CAPZA1: variants seen among roughly 807,000 people sequenced by gnomAD.
CAPZA1 encodes F-actin-capping protein subunit alpha-1.
CAPZA1 carries 10 observed loss-of-function variants against 40.8 expected under a neutral mutation model. The observed-to-expected ratio is 0.25, with a 90% CI of 0.15 to 0.42. The LOEUF (loss-of-function observed/expected upper bound fraction) is 0.42, where lower values mean the gene tolerates loss of function less well. Among genes scored for constraint, CAPZA1 ranks in the 10% least tolerant of loss-of-function variants. The pLI, the probability that CAPZA1 is intolerant of heterozygous loss-of-function variation, is 1.00. For synonymous variants in CAPZA1, 98 were observed against 115.0 expected (o/e 0.85, Z 0.95); for missense variants, 277 against 353.8 (o/e 0.78, Z 1.74).
intron 1 of CAPZA1, among the ~76,000 whole-genome samples, chr1:112,623,914 G>A (rs1670739033): frequency 6.8e-6 from 1 of 146,486 alleles, no homozygotes; most frequent in African/African-American, 2.5e-5. Context: ...GCTGAGGCAG[G>A]AGAATGGTGT....
chr1:112,658,920 C>CT, intron 5 of CAPZA1, 102 bp from the exon 6 acceptor site: 1 of 838,146 alleles, frequency 1.2e-6, no homozygotes, highest in Non-Finnish European at 2.0e-6. Context: ...TTATGTGATT[C>CT]TTTGTCTCCC....
chr1:112,638,932 A>ATATAGATATAGATATAGGTATAGG (rs766229774), intron 1 of CAPZA1, among the ~76,000 whole-genome samples: 1 of 117,270 alleles, frequency 8.5e-6, no homozygotes, highest in Admixed American at 8.6e-5. Context: ...ATAGATATAG[A>ATATAGATATAGATATAGGTATAGG]TATAGGTATA....
intron 1 of CAPZA1, among the ~76,000 whole-genome samples, chr1:112,646,545 C>G (rs923989136): frequency 2.0e-5 from 3 of 152,150 alleles, no homozygotes; most frequent in Non-Finnish European, 2.9e-5. Context: ...CCACTGCACT[C>G]CAGCCTGGAC....
chr1:112,659,576 C>G (rs1414835552), intron 6 of CAPZA1, 125 bp from the exon 7 acceptor site: 2 of 487,558 alleles, frequency 4.1e-6, no homozygotes, highest in African/African-American at 1.9e-5. Flanking sequence ...ATGACAGTTT[C>G]TCTCTCTCTC....
intron 1 of CAPZA1, among the ~76,000 whole-genome samples, chr1:112,637,151 T>A (rs1022520771): frequency 1.3e-5 from 2 of 152,236 alleles, no homozygotes; most frequent in African/African-American, 4.8e-5. Flanking sequence ...AAGCATGCAA[T>A]CTTAGACAAG....
At chr1:112,664,469 A>G (rs771697390) in intron 7 of CAPZA1, among the ~76,000 whole-genome samples, 1 of 152,170 alleles carries the variant, frequency 6.6e-6, no homozygotes, top group Non-Finnish European at 1.5e-5. Flanking sequence ...GAGGTATTAC[A>G]TATGTTGGAT....
chr1:112,664,703 G>A (rs907284041), intron 7 of CAPZA1, among the ~76,000 whole-genome samples: 12 of 152,140 alleles, frequency 7.9e-5, no homozygotes, highest in African/African-American at 2.4e-4. Flanking sequence ...TTGGGAGACC[G>A]AGGTGGGTGG....
chr1:112,656,896 C>T (rs566192269), intron 5 of CAPZA1, among the ~76,000 whole-genome samples: 41 of 150,726 alleles, frequency 2.7e-4, no homozygotes, highest in East Asian at 2.0e-4. Flanking sequence ...TTGAAACTGA[C>T]AGAAATTTTT....
chr1:112,650,193 CATGTTG>C (rs1302051298), intron 3 of CAPZA1, among the ~76,000 whole-genome samples: 2 of 152,088 alleles, frequency 1.3e-5, no homozygotes, highest in African/African-American at 4.8e-5. Flanking sequence ...AGGACAAGGA[CATGTTG>C]ATGCAGAGCA....
intron 7 of CAPZA1, among the ~76,000 whole-genome samples, chr1:112,665,861 T>C (rs1254993333): frequency 2.6e-5 from 4 of 152,212 alleles, no homozygotes; most frequent in African/African-American, 7.2e-5. Context: ...ATCATAGCAC[T>C]AGATAAATGG....
intron 7 of CAPZA1, 127 bp from the exon 8 acceptor site, chr1:112,666,947 A>G: frequency 1.6e-6 from 1 of 609,332 alleles, no homozygotes; most frequent in South Asian, 2.2e-5. Flanking sequence ...GCTTATATTA[A>G]TTATTTGTTC....
intron 1 of CAPZA1, among the ~76,000 whole-genome samples, chr1:112,621,974 G>C (rs1157376588): frequency 1.3e-5 from 2 of 151,442 alleles, no homozygotes; most frequent in African/African-American, 4.9e-5. Flanking sequence ...TGTTGGCCAG[G>C]CTGGTCTCGA....
intron 1 of CAPZA1, among the ~76,000 whole-genome samples, chr1:112,631,115 G>A (rs1440551456): frequency 6.6e-6 from 1 of 152,156 alleles, no homozygotes; most frequent in East Asian, 1.9e-4. Flanking sequence ...TGTAGCCAAG[G>A]TCCAGAACCA....
rs1671297045 is a variant in CAPZA1 at position 112,647,212 on chromosome 1, A to G, written c.42A>G (p.Val14=). The change falls in exon 2 of 10, where the codon GTA becomes GTG. Residue 14 remains valine, a splice_region_variant and synonymous_variant. Coordinates refer to ENST00000263168, the MANE Select transcript of CAPZA1 (RefSeq NM_006135.3). The part of the protein sequence containing the change: ...FDDRVSDEEK[V]RIAAKFITHA... ...GTGTAAATTTTGTTTCTCTTTAGGT[A>G]CGCATAGCTGCTAAATTCATCACTC... 1 of 1,515,374 alleles carries G rather than the reference A, an allele frequency of 6.6e-7. No individual in the cohort carries two copies. Among genetic ancestry groups the G allele is most frequent in the South Asian group, 1.3e-5 (1 of 75,196 alleles). The allele number at this position is 1,515,374 out of a possible 1,614,324, so 93.9% of individuals were successfully genotyped here. A position where few individuals can be genotyped will look rare whatever the true frequency, so the allele number is the denominator to read the frequency against.
At chr1:112,629,855 A>G (rs977986569) in intron 1 of CAPZA1, among the ~76,000 whole-genome samples, 10 of 152,088 alleles carry the variant, frequency 6.6e-5, no homozygotes, top group Middle Eastern at 3.4e-3. Flanking sequence ...CCTCACTCAT[A>G]GTGCCCTCCC....
chr1:112,664,600 A>T (rs1324967221), intron 7 of CAPZA1, among the ~76,000 whole-genome samples: 2 of 152,160 alleles, frequency 1.3e-5, no homozygotes, highest in Non-Finnish European at 2.9e-5. Flanking sequence ...GCTGTAAAAT[A>T]GGGTTAGTCG....
intron 1 of CAPZA1, among the ~76,000 whole-genome samples, chr1:112,621,792 C>T (rs1400909121): frequency 4.8e-5 from 6 of 124,562 alleles, no homozygotes; most frequent in African/African-American, 1.9e-4. Context: ...GATGGAGTCT[C>T]GCTCTGTCAC....
chr1:112,623,980 T>TG, intron 1 of CAPZA1, among the ~76,000 whole-genome samples: 1 of 114,806 alleles, frequency 8.7e-6, no homozygotes. Flanking sequence ...CACTCCAGCC[T>TG]GGGTGACAGA....
chr1:112,625,912 T>G (rs1670796457), intron 1 of CAPZA1: 1 of 152,510 alleles, frequency 6.6e-6, no homozygotes, highest in African/African-American at 2.4e-5. Flanking sequence ...CTTGGCTCCT[T>G]GCCACATCTC....
Sources: allele counts gnomAD v4.1 joint callset (sites outside exome capture counted in the v4.1 genomes callset), GRCh38; gene constraint gnomAD v4.1.1; transcripts MANE v1.5; gene names NCBI Gene and HGNC (gene_info 2026-07-23, HGNC 2026-07-21).